SNED1: variants seen among roughly 807,000 people sequenced by gnomAD.
SNED1 encodes sushi, nidogen and EGF like domains 1, also known as sushi, nidogen and EGF-like domain-containing protein 1.
SNED1 carries 81 observed loss-of-function variants against 166.7 expected under a neutral mutation model. The ratio of observed to expected loss-of-function variants is 0.49; its 90% CI spans 0.41 to 0.58. The LOEUF (loss-of-function observed/expected upper bound fraction) is 0.58. Ranked by LOEUF, SNED1 falls within the 20% of genes least tolerant of loss-of-function variation. SNED1 has a pLI of 0.00. For missense variants in SNED1, 1,604 were observed against 2,000.2 expected (o/e 0.80, Z 3.78); for synonymous variants, 762 against 822.0 (o/e 0.93, Z 1.25).
chr2:241,066,843 T>C (rs761569727), intron 21 of SNED1, among the ~76,000 whole-genome samples: 12 of 152,150 alleles, frequency 7.9e-5, no homozygotes, highest in Non-Finnish European at 1.5e-4. Flanking sequence ...GGAGAAGGCA[T>C]TCAAGGCAGC....
intron 1 of SNED1, among the ~76,000 whole-genome samples, chr2:241,014,983 C>G (rs2060535492): frequency 6.6e-6 from 1 of 152,192 alleles, no homozygotes; most frequent in African/African-American, 2.4e-5. Context: ...CTTCTCTGTC[C>G]CTGAGCCAGG....
chr2:241,060,590 A>C (rs1413022034), intron 16 of SNED1, among the ~76,000 whole-genome samples: 1 of 152,082 alleles, frequency 6.6e-6, no homozygotes, highest in Non-Finnish European at 1.5e-5. Context: ...TTGGTTCTCT[A>C]TTTTTCATAC....
chr2:241,092,286 C>A lies in SNED1; in HGVS notation c.*650C>A, dbSNP rs2125361473. 6.6e-6 allele frequency: 1 copy of A among 152,292 alleles called. No homozygotes were observed. The highest frequency in any genetic ancestry group is 1.5e-5 in the Non-Finnish European group (1 of 68,032). 9.4% of individuals were successfully genotyped at this position (152,292 alleles called of 1,614,324 possible). A position where few individuals can be genotyped will look rare whatever the true frequency, so the allele number is the denominator to read the frequency against. ...CTTTTTTAGACAACGGCGCGACTGG[C>A]AGCCTTTCTCTATCAAGGGTCAGAC... On this transcript the variant is annotated 3_prime_UTR_variant, in exon 32 of 32. Transcript: ENST00000310397. The surrounding 1 kb of genome is among the most constrained non-coding windows in gnomAD (Gnocchi z 4.6).
chr2:241,036,415 C>G (rs75914177), intron 4 of SNED1, among the ~76,000 whole-genome samples: 243 of 152,228 alleles, frequency 1.6e-3, no homozygotes, highest in African/African-American at 5.6e-3. Flanking sequence ...GCTGACATGA[C>G]GGCTGAGTGC....
At chr2:241,049,421 C>T (rs2061761496) in intron 11 of SNED1, among the ~76,000 whole-genome samples, 1 of 152,232 alleles carries the variant, frequency 6.6e-6, no homozygotes, top group Non-Finnish European at 1.5e-5. Flanking sequence ...ATATTTAATG[C>T]ATACATAATT....
At chr2:241,037,422 A>C in intron 6 of SNED1, 69 bp downstream of exon 6, 1 of 1,097,004 alleles carries the variant, frequency 9.1e-7, no homozygotes, top group Non-Finnish European at 1.4e-6. Context: ...CAGCTGGACA[A>C]GGCTGAGGTC....
At chr2:241,020,987 A>G (rs34586607) in intron 1 of SNED1, among the ~76,000 whole-genome samples, 52,842 of 152,072 alleles carry the variant, frequency 0.35, 9,373 homozygotes, top group Middle Eastern at 0.44. Flanking sequence ...TGACAGCTGC[A>G]CACACCCAGG....
intron 18 of SNED1, 68 bp from the exon 19 acceptor site, chr2:241,063,944 G>A (rs1451145524): frequency 7.5e-6 from 9 of 1,194,312 alleles, no homozygotes; most frequent in African/African-American, 3.0e-5. Flanking sequence ...CCTTCTTCCC[G>A]CTGTCCTCTC....
chr2:241,087,375 C>T lies in SNED1; in HGVS notation c.4122-17C>T, dbSNP rs1448361042. 3 of 1,581,266 alleles carry T rather than the reference C, an allele frequency of 1.9e-6. No homozygotes were observed. Among genetic ancestry groups the T allele is most frequent in the Non-Finnish European group, 2.6e-6 (3 of 1,163,812 alleles). On this transcript the variant is annotated splice_polypyrimidine_tract_variant and intron_variant, in intron 29 of 31. Coordinates refer to ENST00000310397, the MANE Select transcript of SNED1 (RefSeq NM_001080437.3). ...TGCTTCACTGTCTGGTTTTACAAAG[C>T]TTTCTTGTGACAACAGGTATAAAAG...
At chr2:241,078,593 C>G (rs1159402059) in intron 27 of SNED1, among the ~76,000 whole-genome samples, 1 of 151,612 alleles carries the variant, frequency 6.6e-6, no homozygotes, top group East Asian at 1.9e-4. Flanking sequence ...AGAGGGAGCT[C>G]TCTAGTGACA....
intron 3 of SNED1, 73 bp from the exon 4 acceptor site, chr2:241,034,495 G>A (rs2061284257): frequency 1.5e-6 from 2 of 1,367,828 alleles, no homozygotes; most frequent in Non-Finnish European, 2.0e-6. Flanking sequence ...GAACATGGTG[G>A]GGGCAGGGTA....
In SNED1 at chr2:241,071,537, C is replaced by T. The variant is rs747031550; in HGVS notation, c.3590-39C>T. On this transcript the variant is annotated intron_variant, in intron 24 of 31. Coordinates refer to ENST00000310397, the MANE Select transcript of SNED1 (RefSeq NM_001080437.3). ...CAGGGGCAGGGACAGGAGCAGAGGG[C>T]AGCCCCAGACCAGCCCCTTCCTCCT... 28 of 1,559,706 alleles carry T rather than the reference C, an allele frequency of 1.8e-5. No individual in the cohort carries two copies. In the Admixed American group the frequency reaches 2.0e-4, roughly 11 times the overall value.
Position 241,071,718 on chromosome 2 carries a change from C to A in SNED1, c.3732C>A (p.Pro1244=). 1 of 1,503,688 alleles carries A rather than the reference C, an allele frequency of 6.7e-7. No homozygotes were observed. The highest frequency in any genetic ancestry group is 1.4e-5 in the African/African-American group (1 of 72,458). The allele number at this position is 1,503,688 out of a possible 1,614,324, so 93.1% of individuals were successfully genotyped here. ...CCCCCGAGACCCCCACCCAGCCCCCCAGGTACATGCCCCACCCATCGGCCC... is the reference window on the plus strand; with the variant it reads ...CCCCCGAGACCCCCACCCAGCCCCCAAGGTACATGCCCCACCCATCGGCCC... ...HSAPETPTQP[P]RFSELVDGRG... Residue 1244 remains proline (P), a splice_region_variant and synonymous_variant, in exon 25 of 32, where the codon CCC becomes CCA. Transcript: ENST00000310397.
At chr2:241,081,936 CCT>C (rs990185798) in intron 28 of SNED1, 143 bp downstream of exon 28, 29 of 667,742 alleles carry the variant, frequency 4.3e-5, no homozygotes, top group South Asian at 2.3e-4. Context: ...GGGGCTGACC[CCT>C]GAGCCCCCAG....
intron 1 of SNED1, among the ~76,000 whole-genome samples, chr2:241,027,735 T>C (rs999863435): frequency 1.3e-5 from 2 of 148,864 alleles, no homozygotes; most frequent in African/African-American, 2.4e-5. Context: ...TTTCTTCTGT[T>C]TTTTTTTTTT....
intron 1 of SNED1, among the ~76,000 whole-genome samples, chr2:241,026,009 C>CTTTTTTTTTTTTTTTTTTTTTTTTTTTT (rs71404676): frequency 2.7e-5 from 2 of 73,594 alleles, no homozygotes; most frequent in Non-Finnish European, 4.8e-5. Context: ...TTTTCTTTTC[C>CTTTTTTTTTTTTTTTTTTTTTTTTTTTT]TTTTTTTTTT....
rs748372699 is a variant in SNED1 at position 241,033,828 on chromosome 2, G to A, written c.595G>A (p.Ala199Thr). 12 of 1,609,416 alleles carry A rather than the reference G, an allele frequency of 7.5e-6. No homozygotes were observed. Among genetic ancestry groups the A allele is most frequent in the Non-Finnish European group, 1.0e-5 (12 of 1,178,552 alleles). Residue 199 changes from alanine (A) to threonine (T), a missense_variant, in exon 3 of 32, where the codon GCC becomes ACC. By Grantham distance (58) the Ala-to-Thr change is moderately conservative. Around this residue, in one of 2 missense-constraint regions of SNED1, gnomAD observed 1,237 missense variants for 1,620.8 expected, o/e 0.76. Coordinates refer to ENST00000310397, the MANE Select transcript of SNED1 (RefSeq NM_001080437.3). ...ESIVWTTGTH[A>T]SSGGNATGLG... is the part of the protein sequence containing the mutation. Reference sequence around the variant, plus strand: ...CATCGTGTGGACCACAGGCACACACGCCAGCAGCGGGGGCAACGCCACTGG... The same window carrying A: ...CATCGTGTGGACCACAGGCACACACACCAGCAGCGGGGGCAACGCCACTGG...
intron 1 of SNED1, among the ~76,000 whole-genome samples, chr2:241,012,742 G>A (rs1189320518): frequency 6.6e-6 from 1 of 151,794 alleles, no homozygotes; most frequent in Admixed American, 6.6e-5. Flanking sequence ...GTTACCGTGT[G>A]TGTGCACGTG....
At chr2:241,089,189 A>G (rs2063749619) in intron 31 of SNED1, 2 of 1,108,792 alleles carry the variant, frequency 1.8e-6, no homozygotes, top group South Asian at 1.7e-5. Context: ...CATACTGACC[A>G]TCATTTTTTA....
Sources: allele counts gnomAD v4.1 joint callset (sites outside exome capture counted in the v4.1 genomes callset), GRCh38; gene constraint gnomAD v4.1.1; regional missense constraint gnomAD v4.1.1; non-coding constraint Gnocchi (gnomAD v3.1); transcripts MANE v1.5; gene names NCBI Gene and HGNC (gene_info 2026-07-23, HGNC 2026-07-21).